DNAJC5G: variants seen among roughly 807,000 people sequenced by gnomAD.
The protein encoded by DNAJC5G is dnaJ homolog subfamily C member 5G.
DNAJC5G carries 13 observed loss-of-function variants against 19.1 expected under a neutral mutation model. The ratio of observed to expected loss-of-function variants is 0.68; its 90% CI spans 0.44 to 1.08. The LOEUF is 1.08. Ranked by LOEUF, DNAJC5G falls within the 50% of genes least tolerant of loss-of-function variation. DNAJC5G has a pLI of 0.00. For missense variants in DNAJC5G, 245 were observed against 230.4 expected, an observed-to-expected ratio of 1.06 and a Z score of -0.41; for synonymous variants, 81 against 84.4, an observed-to-expected ratio of 0.96 and a Z score of 0.22.
At chr2:27,278,487 C>G (rs1678216662) in intron 5 of DNAJC5G, among the ~76,000 whole-genome samples, 155 bp downstream of exon 5, 1 of 150,982 alleles carries the variant, frequency 6.6e-6, no homozygotes, top group Non-Finnish European at 1.5e-5. Flanking sequence ...TGGAGACAAG[C>G]CTGGCCAACA....
chr2:27,280,418 TC>T lies in DNAJC5G; in HGVS notation c.*19-9del, dbSNP rs1678319539. On this transcript the variant is annotated splice_polypyrimidine_tract_variant and intron_variant, in intron 6 of 6. Transcript: ENST00000296097. Reference sequence around the variant, plus strand: ...TCTGATTAATAAAGCGCCACCTTCTTCCGCCACTAGGTGCTGACCCAGTGAG... The same window carrying T: ...TCTGATTAATAAAGCGCCACCTTCTTCGCCACTAGGTGCTGACCCAGTGAG... The T allele has an allele frequency of 1.8e-6, 1 of 562,496 alleles. No homozygotes were observed. Among genetic ancestry groups the T allele is most frequent in the South Asian group, 2.1e-5 (1 of 48,776 alleles). The allele number at this position is 562,496 out of a possible 1,614,324, so 34.8% of individuals were successfully genotyped here.
In DNAJC5G at chr2:27,278,271, A is replaced by C. The variant is rs1178048919; in HGVS notation, c.459A>C (p.Pro153=). ...TTTGCTGTGGAGCACTTAAACCACC[A>C]CCTGAGCAGGATAGTGGGAGAAAAT... ...CCFCCGALKP[P]PEQDSGRKYQ... Residue 153 remains proline (P), a synonymous_variant, in exon 5 of 7, where the codon CCA becomes CCC. Transcript: ENST00000296097. The C allele has an allele frequency of 1.9e-6, 3 of 1,614,068 alleles. No homozygotes were observed. In the Admixed American group the frequency reaches 5.0e-5, roughly 27 times the overall value.
At position 27,280,482 on chromosome 2, in the gene DNAJC5G, G is replaced by A; in HGVS notation, c.*72G>A. 4.9e-6 allele frequency: 2 copies of A among 406,528 alleles called. No individual in the cohort carries two copies. The highest frequency in any genetic ancestry group is 6.0e-5 in the South Asian group (2 of 33,072). The allele number at this position is 406,528 out of a possible 1,614,324, so 25.2% of individuals were successfully genotyped here. On this transcript the variant is annotated 3_prime_UTR_variant, in exon 7 of 7. Transcript: ENST00000296097. ...TGCCCAGTCCCCTGGACACATTGAAGAGAGGAGCAAGTAGCCCTGTCCTGA... is the reference window on the plus strand; with the variant it reads ...TGCCCAGTCCCCTGGACACATTGAAAAGAGGAGCAAGTAGCCCTGTCCTGA...
intron 5 of DNAJC5G, among the ~76,000 whole-genome samples, chr2:27,279,793 C>T (rs1054860746): frequency 6.6e-6 from 1 of 150,686 alleles, no homozygotes; most frequent in Non-Finnish European, 1.5e-5. Context: ...CATGGCAGTG[C>T]ACACCTGTAG....
At chr2:27,279,600 T>C (rs1358103001) in intron 5 of DNAJC5G, among the ~76,000 whole-genome samples, 1 of 152,056 alleles carries the variant, frequency 6.6e-6, no homozygotes, top group Non-Finnish European at 1.5e-5. Flanking sequence ...CCTGGCGGGA[T>C]GCAATTTTTT....
intron 3 of DNAJC5G, 39 bp downstream of exon 3, chr2:27,276,880 C>T (rs1199994758): frequency 6.5e-7 from 1 of 1,546,400 alleles, no homozygotes; most frequent in Non-Finnish European, 8.8e-7. Context: ...TGGAATTTCC[C>T]CCTTAAACCT....
intron 3 of DNAJC5G, 50 bp downstream of exon 3, chr2:27,276,891 T>C: frequency 6.7e-7 from 1 of 1,499,358 alleles, no homozygotes; most frequent in Non-Finnish European, 9.1e-7. Flanking sequence ...CCTTAAACCT[T>C]TTTCTTTCTG....
chr2:27,279,979 G>A (rs866412108), intron 5 of DNAJC5G, among the ~76,000 whole-genome samples, 187 bp from the exon 6 acceptor site: 4 of 151,882 alleles, frequency 2.6e-5, no homozygotes, highest in South Asian at 4.2e-4. Context: ...AGAGGAAGAG[G>A]AAGAAAAGAA....
rs767628151 is a variant in DNAJC5G, at chr2:27,280,199, G to A, written c.554G>A (p.Ser185Asn). The A allele has an allele frequency of 9.3e-6, 15 of 1,613,948 alleles. No individual in the cohort carries two copies. Among genetic ancestry groups the A allele is most frequent in the Non-Finnish European group, 1.2e-5 (14 of 1,180,000 alleles). The change falls in exon 6 of 7, where the codon AGC (serine) becomes AAC (asparagine). Residue 185 changes from serine (S) to asparagine (N), a missense_variant. Physicochemically the swap from Ser to Asn is conservative, Grantham distance 46 (BLOSUM62 1). Coordinates refer to ENST00000296097, the MANE Select transcript of DNAJC5G (RefSeq NM_173650.3). ...AKCDFRSEEN[S>N]EDDF ...TGTGATTTTAGAAGCGAGGAAAATAGCGAAGATGATTTTTAAGAGATGAAG... is the reference window on the plus strand; with the variant it reads ...TGTGATTTTAGAAGCGAGGAAAATAACGAAGATGATTTTTAAGAGATGAAG...
rs950644169 is a variant in DNAJC5G at position 27,275,447 on chromosome 2, C to T, written c.-392C>T. On this transcript the variant is annotated 5_prime_UTR_variant, in exon 1 of 7. Transcript: ENST00000296097. Reference sequence around the variant, plus strand: ...AAAAACGACCTGCCCAGACCCTCAGCGTCGACGCTGCGCACAAGCGCAGTC... The same window carrying T: ...AAAAACGACCTGCCCAGACCCTCAGTGTCGACGCTGCGCACAAGCGCAGTC... 4.0e-5 allele frequency: 14 copies of T among 352,592 alleles called. No individual in the cohort carries two copies. The highest frequency in any genetic ancestry group is 7.8e-5 in the Admixed American group (2 of 25,704). The allele number at this position is 352,592 out of a possible 1,614,324, so 21.8% of individuals were successfully genotyped here.
At chr2:27,278,111 A>G (rs1678192918) in intron 4 of DNAJC5G, 77 bp from the exon 5 acceptor site, 3 of 1,610,116 alleles carry the variant, frequency 1.9e-6, no homozygotes, top group African/African-American at 1.3e-5. Context: ...TCTGGGTGCC[A>G]GGAGGATTGA....
chr2:27,278,231 G>T lies in DNAJC5G; in HGVS notation c.419G>T (p.Cys140Phe). Reference protein sequence around the residue: ...LCTLLTCCCFCCCCCFCCGAL... With the variant: ...LCTLLTCCCFFCCCCFCCGAL... Reference sequence around the variant, plus strand: ...ACTCTGCTCACTTGTTGCTGTTTCTGTTGTTGCTGCTGTTTTTGCTGTGGA... The same window carrying T: ...ACTCTGCTCACTTGTTGCTGTTTCTTTTGTTGCTGCTGTTTTTGCTGTGGA... The change falls in exon 5 of 7, where the codon TGT becomes TTT. Residue 140 changes from cysteine to phenylalanine, a missense_variant. Cys to Phe is a radical substitution (Grantham distance 205, BLOSUM62 -2). Coordinates refer to ENST00000296097, the MANE Select transcript of DNAJC5G (RefSeq NM_173650.3). 1 of 1,614,194 alleles carries T rather than the reference G, an allele frequency of 6.2e-7. No individual in the cohort carries two copies. The highest frequency in any genetic ancestry group is 8.5e-7 in the Non-Finnish European group (1 of 1,180,026).
chr2:27,280,448 G>C lies in DNAJC5G; in HGVS notation c.*38G>C. On this transcript the variant is annotated 3_prime_UTR_variant, in exon 7 of 7. Transcript: ENST00000296097. ...CACTAGGTGCTGACCCAGTGAGGGT[G>C]CCTTCTGCTGCCCAGTCCCCTGGAC... is the stretch of plus-strand genomic sequence containing the variant. The C allele has an allele frequency of 4.0e-6, 2 of 499,166 alleles. No individual in the cohort carries two copies. Among genetic ancestry groups the C allele is most frequent in the Non-Finnish European group, 7.3e-6 (2 of 274,408 alleles). The allele number at this position is 499,166 out of a possible 1,614,324, so 30.9% of individuals were successfully genotyped here.
At position 27,277,801 on chromosome 2, in the gene DNAJC5G, G is replaced by A. The variant is rs183643555; in HGVS notation, c.161G>A (p.Arg54Lys). The change falls in exon 4 of 7, where the codon AGG (arginine) becomes AAG (lysine). Residue 54 changes from arginine (R) to lysine (K), a missense_variant. Transcript: ENST00000296097. ...PHPPFEYHLGRKLALRYHPDK... is the reference protein window; with the variant it reads ...PHPPFEYHLGKKLALRYHPDK... ...CCTCCTTTTGAGTATCACCTGGGTAGGAAACTGGCCTTGCGGTATCATCCC... is the reference window on the plus strand; with the variant it reads ...CCTCCTTTTGAGTATCACCTGGGTAAGAAACTGGCCTTGCGGTATCATCCC... 4.2e-5 allele frequency: 67 copies of A among 1,614,004 alleles called. No individual in the cohort carries two copies. The highest frequency in any genetic ancestry group is 5.7e-5 in the Non-Finnish European group (67 of 1,180,028).
chr2:27,277,970 A>C lies in DNAJC5G; in HGVS notation c.330A>C (p.Glu110Asp). The change falls in exon 4 of 7, where the codon GAA (glutamate) becomes GAC (aspartate). Residue 110 changes from glutamate (E) to aspartate (D), a missense_variant. Physicochemically the swap from Glu to Asp is conservative, Grantham distance 45. Coordinates refer to ENST00000296097, the MANE Select transcript of DNAJC5G (RefSeq NM_173650.3). ...LGIYLYDHFGEEGVRYYFILN... is the reference protein window; with the variant it reads ...LGIYLYDHFGDEGVRYYFILN... ...TATATCTGTATGATCACTTTGGTGA[A>C]GAAGGCGTCAGATACTATTTTATTC... is the stretch of plus-strand genomic sequence containing the variant. 4.3e-6 allele frequency: 7 copies of C among 1,614,256 alleles called. No individual in the cohort carries two copies. The highest frequency in any genetic ancestry group is 5.9e-6 in the Non-Finnish European group (7 of 1,180,052).
At chr2:27,277,058 C>T (rs1052385452) in intron 3 of DNAJC5G, among the ~76,000 whole-genome samples, 3 of 151,922 alleles carry the variant, frequency 2.0e-5, no homozygotes, top group Non-Finnish European at 4.4e-5. Flanking sequence ...TCTCTCACCT[C>T]AGCCTCCTGA....
chr2:27,277,099 G>A (rs1378834135), intron 3 of DNAJC5G, among the ~76,000 whole-genome samples: 2 of 151,792 alleles, frequency 1.3e-5, no homozygotes, highest in Non-Finnish European at 2.9e-5. Flanking sequence ...GCACCACCAC[G>A]CCTGGCTAAT....
chr2:27,280,943 A>T lies in DNAJC5G; in HGVS notation c.*533A>T, dbSNP rs977397722. Reference sequence around the variant, plus strand: ...GCATCAGCCTCATTCCTAAGCCAATAACGCCTGTATGGAGTTGGTTTCATC... The same window carrying T: ...GCATCAGCCTCATTCCTAAGCCAATTACGCCTGTATGGAGTTGGTTTCATC... On this transcript the variant is annotated 3_prime_UTR_variant, in exon 7 of 7. Transcript: ENST00000296097. 2.6e-5 allele frequency: 4 copies of T among 152,332 alleles called. No individual in the cohort carries two copies. Among genetic ancestry groups the T allele is most frequent in the Non-Finnish European group, 5.9e-5 (4 of 68,076 alleles). The allele number at this position is 152,332 out of a possible 1,614,324, so 9.4% of individuals were successfully genotyped here.
intron 2 of DNAJC5G, 164 bp from the exon 3 acceptor site, chr2:27,276,559 TCTC>T: frequency 7.0e-6 from 4 of 573,758 alleles, no homozygotes; most frequent in South Asian, 2.2e-5. Flanking sequence ...TCACCTGAAT[TCTC>T]CTGCTAGCCA....
Sources: gnomAD v4.1 joint callset for allele counts (sites outside exome capture counted in the v4.1 genomes callset) on GRCh38, gnomAD v4.1.1 for gene constraint, MANE v1.5 for transcripts, NCBI Gene and HGNC (gene_info 2026-07-23, HGNC 2026-07-21) for gene names.